Variants in ABCB1 observed in about 807,000 individuals in gnomAD.
The protein encoded by ABCB1 is ATP-dependent translocase ABCB1.
Under a neutral mutation model 142.0 loss-of-function variants are expected in ABCB1, and 69 were observed. The ratio of observed to expected loss-of-function variants is 0.49; its 90% CI spans 0.40 to 0.59. The LOEUF (loss-of-function observed/expected upper bound fraction) is 0.59. Among genes scored for constraint, ABCB1 ranks in the 20% least tolerant of loss-of-function variants. ABCB1 has a pLI of 0.00. For missense variants in ABCB1, 1,326 were observed against 1,554.7 expected (o/e 0.85, Z 2.47); for synonymous variants, 532 against 539.2 (o/e 0.99, Z 0.18).
intron 17 of ABCB1, among the ~76,000 whole-genome samples, chr7:87,542,681 C>T (rs1037337276): frequency 1.3e-5 from 2 of 150,070 alleles, no homozygotes; most frequent in East Asian, 3.9e-4. Flanking sequence ...TCTCTGATGA[C>T]ACCACAGTCT....
intron 1 of ABCB1, among the ~76,000 whole-genome samples, chr7:87,640,581 G>A (rs1822340295): frequency 6.6e-6 from 1 of 152,120 alleles, no homozygotes; most frequent in African/African-American, 2.4e-5. Context: ...CTGGCCTCAG[G>A]CATTCCTCCT....
At position 87,536,545 on chromosome 7, in the gene ABCB1, T is replaced by C. The variant is rs1372092073; in HGVS notation, c.2398-4A>G. 2 of 1,613,630 alleles carry C rather than the reference T, an allele frequency of 1.2e-6. No homozygotes were observed. Among genetic ancestry groups the C allele is most frequent in the African/African-American group, 1.3e-5 (1 of 74,884 alleles). Reference sequence around the variant, plus strand: ...GGTCATCAAACCAACTCACATCCTGTGGCACAGAAAATGATTTTATTACCT... The same window carrying C: ...GGTCATCAAACCAACTCACATCCTGCGGCACAGAAAATGATTTTATTACCT... On this transcript the variant is annotated splice_polypyrimidine_tract_variant and splice_region_variant and intron_variant, in intron 19 of 27. Coordinates refer to ENST00000622132, the MANE Select transcript of ABCB1 (RefSeq NM_001348946.2).
exon 1 of ABCB1, chr7:87,713,245 A>T (rs201724184): frequency 1.3e-5 from 2 of 152,190 alleles, no homozygotes; most frequent in African/African-American, 2.4e-5. Context: ...AGAATATCTG[A>T]ATAAAGTAGA....
At position 87,713,210 on chromosome 7, in the gene ABCB1, T is replaced by C. The variant is rs1830247847; in HGVS notation, c.-380A>G. ...TGAGTACTCCTAGGAGAATGAGAAATGATCTCTAATCTTTAGGAATCTGGA... is the reference window on the plus strand; with the variant it reads ...TGAGTACTCCTAGGAGAATGAGAAACGATCTCTAATCTTTAGGAATCTGGA... On this transcript the variant is annotated 5_prime_UTR_variant, in exon 1 of 29. Coordinates refer to the ABCB1 transcript ENST00000265724. 4 of 152,186 alleles carry C rather than the reference T, an allele frequency of 2.6e-5. 1 individual carries two copies. The South Asian group carries it at 8.3e-4, about 31-fold the overall frequency. 9.4% of individuals were successfully genotyped at this position (152,186 alleles called of 1,614,324 possible).
chr7:87,525,739 CA>C (rs1815753055), intron 21 of ABCB1, among the ~76,000 whole-genome samples: 1 of 151,918 alleles, frequency 6.6e-6, no homozygotes, highest in Admixed American at 6.6e-5. Context: ...CTTGCTGTCT[CA>C]GGGGTGGCAG....
chr7:87,693,879 GTGT>G lies in ABCB1; in HGVS notation c.-331+19279_-331+19281del, dbSNP rs772869213. ...GATGGCAGGTTTCTTAAATATCTGT[GTGT>G]TGTTGTTGTTATTTTTTTTTTAAAG... is the stretch of plus-strand genomic sequence containing the variant. On this transcript the variant is annotated intron_variant, in intron 1 of 28. Transcript: ENST00000265724. 217 of 1,597,712 alleles carry G rather than the reference GTGT, an allele frequency of 1.4e-4. 1 individual carries two copies. The highest frequency in any genetic ancestry group is 1.3e-3 in the East Asian group (58 of 44,724).
rs1815518937 is a variant in ABCB1, at chr7:87,521,760, T to C, written c.2686-884A>G. ...CAAGAGAAGATTCTCAAAGACCAGA[T>C]GCCCACCCAACTGTGAAAAAGATAT... On this transcript the variant is annotated intron_variant, in intron 21 of 27. Coordinates refer to ENST00000622132, the MANE Select transcript of ABCB1 (RefSeq NM_001348946.2). The C allele has an allele frequency of 4.7e-6, 4 of 856,752 alleles. No individual in the cohort carries two copies. In the Admixed American group the frequency reaches 5.1e-5, roughly 11 times the overall value. 53.1% of individuals were successfully genotyped at this position (856,752 alleles called of 1,614,324 possible). A position where few individuals can be genotyped will look rare whatever the true frequency, so the allele number is the denominator to read the frequency against.
chr7:87,550,572 T>G lies in ABCB1; in HGVS notation c.1120A>C (p.Ser374Arg). Residue 374 changes from serine to arginine, a missense_variant, in exon 11 of 28, where the codon AGT becomes CGT. By Grantham distance (110) the Ser-to-Arg change is moderately radical. Coordinates refer to ENST00000622132, the MANE Select transcript of ABCB1 (RefSeq NM_001348946.2). ...CCACTCTTCGAATAGCTGTCAATAC[T>G]TGGCTTCTAAACAGAATCAAATTTT... is the stretch of plus-strand genomic sequence containing the variant. ...EIFKIIDNKPSIDSYSKSGHK... is the reference protein window; with the variant it reads ...EIFKIIDNKPRIDSYSKSGHK... 1 of 1,613,360 alleles carries G rather than the reference T, an allele frequency of 6.2e-7. No homozygotes were observed. Among genetic ancestry groups the G allele is most frequent in the East Asian group, 2.2e-5 (1 of 44,858 alleles).
At chr7:87,543,528 G>A (rs556286240) in intron 17 of ABCB1, among the ~76,000 whole-genome samples, 1 of 152,174 alleles carries the variant, frequency 6.6e-6, no homozygotes, top group Admixed American at 6.5e-5. Flanking sequence ...TCAGCTTGAT[G>A]TTTGGACATA....
At position 87,525,818 on chromosome 7, in the gene ABCB1, C is replaced by A. The variant is rs1308050763; in HGVS notation, c.2686-4942G>T. On this transcript the variant is annotated intron_variant, in intron 21 of 27. Coordinates refer to ENST00000622132, the MANE Select transcript of ABCB1 (RefSeq NM_001348946.2). ...AGGCACACCTGGTGTGACTGACATGCATTGTGGTCTCTGTCTGACTTTTTC... is the reference window on the plus strand; with the variant it reads ...AGGCACACCTGGTGTGACTGACATGAATTGTGGTCTCTGTCTGACTTTTTC... Among the ~76,000 whole-genome samples the A allele has an allele frequency of 6.6e-5, 10 of 151,996 alleles. 1 individual carries two copies. The highest frequency in any genetic ancestry group is 6.6e-4 in the Admixed American group (10 of 15,256).
upstream of ABCB1, among the ~76,000 whole-genome samples, chr7:87,601,496 A>G (rs1819455624): frequency 6.6e-6 from 1 of 152,256 alleles, no homozygotes; most frequent in Admixed American, 6.5e-5. Flanking sequence ...ACGTCAGATC[A>G]ATGCCCGTGT....
intron 1 of ABCB1, among the ~76,000 whole-genome samples, chr7:87,610,730 G>A (rs1405961408): frequency 6.6e-6 from 1 of 152,122 alleles, no homozygotes; most frequent in African/African-American, 2.4e-5. Context: ...TAAAAATTAT[G>A]TTGCAGAAAT....
chr7:87,506,208 A>C, intron 26 of ABCB1, 165 bp from the exon 27 acceptor site: 2 of 668,148 alleles, frequency 3.0e-6, no homozygotes, highest in African/African-American at 1.8e-5. Flanking sequence ...AAAGCCCAAA[A>C]TGGCAGGTTT....
At chr7:87,511,849 A>G (rs2117074785) in intron 25 of ABCB1, among the ~76,000 whole-genome samples, 1 of 152,354 alleles carries the variant, frequency 6.6e-6, no homozygotes, top group South Asian at 2.1e-4. Flanking sequence ...TTCTAATTGT[A>G]TCCCAAAGGG....
At chr7:87,662,080 G>T (rs1406233125) in intron 1 of ABCB1, among the ~76,000 whole-genome samples, 3 of 151,880 alleles carry the variant, frequency 2.0e-5, no homozygotes, top group Non-Finnish European at 4.4e-5. Flanking sequence ...CTGATCTTTT[G>T]CCCATTTTAA....
At chr7:87,560,226 A>G (rs1029827668) in intron 8 of ABCB1, among the ~76,000 whole-genome samples, 3 of 152,208 alleles carry the variant, frequency 2.0e-5, no homozygotes, top group Non-Finnish European at 2.9e-5. Flanking sequence ...AAGCAAAAGC[A>G]AAGACTTTAG....
At chr7:87,666,863 C>G (rs1825305193) in intron 1 of ABCB1, among the ~76,000 whole-genome samples, 2 of 152,056 alleles carry the variant, frequency 1.3e-5, no homozygotes, top group African/African-American at 4.8e-5. Context: ...GTTTTTGTAC[C>G]AGTACCATGC....
At chr7:87,542,821 G>A (rs544450315) in intron 17 of ABCB1, among the ~76,000 whole-genome samples, 1 of 152,208 alleles carries the variant, frequency 6.6e-6, no homozygotes, top group African/African-American at 2.4e-5. Context: ...CCACATTGCT[G>A]TTGTGTACTA....
chr7:87,531,250 A>G lies in ABCB1; in HGVS notation c.2685+44T>C, dbSNP rs778139796. ...GTAACAAAATAACACTGATTAGAAT[A>G]CTTTACTCTACTTAATTAATCAATC... On this transcript the variant is annotated intron_variant, in intron 21 of 27. Coordinates refer to ENST00000622132, the MANE Select transcript of ABCB1 (RefSeq NM_001348946.2). 2.0e-6 allele frequency: 3 copies of G among 1,508,292 alleles called. No individual in the cohort carries two copies. The South Asian group carries it at 3.4e-5, about 17-fold the overall frequency. The allele number at this position is 1,508,292 out of a possible 1,614,324, so 93.4% of individuals were successfully genotyped here. A position where few individuals can be genotyped will look rare whatever the true frequency, so the allele number is the denominator to read the frequency against.
Sources: gnomAD v4.1 joint callset for allele counts (sites outside exome capture counted in the v4.1 genomes callset) on GRCh38, gnomAD v4.1.1 for gene constraint, MANE v1.5 for transcripts, NCBI Gene and HGNC (gene_info 2026-07-23, HGNC 2026-07-21) for gene names.